Variants in TMEM117 observed in about 807,000 individuals in gnomAD.
TMEM117 encodes transmembrane protein 117.
A neutral mutation model predicts 52.4 loss-of-function variants in TMEM117; 27 were observed. The ratio of observed to expected loss-of-function variants is 0.51; its 90% confidence interval spans 0.38 to 0.71. TMEM117 has a LOEUF of 0.71. Among genes scored for constraint, TMEM117 ranks in the 30% least tolerant of loss-of-function variants. The pLI is 0.00. For missense variants in TMEM117, 556 were observed against 630.5 expected (o/e 0.88, Z 1.26); for synonymous variants, 215 against 206.3 (o/e 1.04, Z -0.36).
chr12:44,035,383 T>TTATTG, intron 3 of TMEM117, among the ~76,000 whole-genome samples: 1 of 152,364 alleles, frequency 6.6e-6, no homozygotes, highest in East Asian at 1.9e-4. Context: ...TATTGAGTGT[T>TTATTG]ACTGTATGCG....
At chr12:43,806,330 C>T in the TMEM117 span, 1 of 1,300,320 alleles carries the variant, frequency 7.7e-7, no homozygotes, top group Non-Finnish European at 9.7e-7. Flanking sequence ...TGCTCCTCCG[C>T]CGGCCCCGGC....
intron 5 of TMEM117, among the ~76,000 whole-genome samples, chr12:44,268,881 A>G (rs985401044): frequency 6.6e-6 from 1 of 152,148 alleles, no homozygotes; most frequent in Non-Finnish European, 1.5e-5. Context: ...TTTCCCTCCC[A>G]GATCACAGTT....
At chr12:44,005,086 G>A (rs1171255067) in intron 3 of TMEM117, among the ~76,000 whole-genome samples, 1 of 152,186 alleles carries the variant, frequency 6.6e-6, no homozygotes, top group Non-Finnish European at 1.5e-5. Context: ...TCATTGTCAG[G>A]CATGCTCACA....
At chr12:44,098,871 C>G (rs563077900) in intron 3 of TMEM117, among the ~76,000 whole-genome samples, 69 of 152,224 alleles carry the variant, frequency 4.5e-4, no homozygotes, top group African/African-American at 1.5e-3. Flanking sequence ...GTACATTTAT[C>G]TTTTCTTGTT....
chr12:44,034,081 T>A (rs1946674943), intron 3 of TMEM117, among the ~76,000 whole-genome samples: 1 of 152,230 alleles, frequency 6.6e-6, no homozygotes, highest in African/African-American at 2.4e-5. Flanking sequence ...TTTATACATT[T>A]CTAAGTCCCT....
chr12:43,866,812 T>C (rs1452919475), intron 2 of TMEM117, among the ~76,000 whole-genome samples: 2 of 152,136 alleles, frequency 1.3e-5, no homozygotes, highest in Non-Finnish European at 2.9e-5. Flanking sequence ...AATGTTTAGG[T>C]TGGCGCGGTG....
intron 4 of TMEM117, among the ~76,000 whole-genome samples, chr12:44,165,704 T>C (rs1948957286): frequency 6.6e-6 from 1 of 152,128 alleles, no homozygotes; most frequent in African/African-American, 2.4e-5. Context: ...CACCTAACAC[T>C]GGAGCATCCA....
At chr12:44,299,820 C>A in intron 6 of TMEM117, 81 bp downstream of exon 6, 1 of 1,506,638 alleles carries the variant, frequency 6.6e-7, no homozygotes. Flanking sequence ...CAACAGGCTC[C>A]ATAAATCTAA....
At chr12:43,801,307 G>C in the TMEM117 span, among the ~76,000 whole-genome samples, 1 of 152,142 alleles carries the variant, frequency 6.6e-6, no homozygotes, top group South Asian at 2.1e-4. Context: ...AGTATCTATG[G>C]AAAGCTACTA....
At chr12:44,198,014 A>G (rs1949443834) in intron 4 of TMEM117, among the ~76,000 whole-genome samples, 2 of 152,184 alleles carry the variant, frequency 1.3e-5, no homozygotes, top group African/African-American at 2.4e-5. Context: ...TCTTGTGGCA[A>G]TTTATTCAAG....
intron 5 of TMEM117, among the ~76,000 whole-genome samples, chr12:44,220,418 A>G (rs1436607844): frequency 6.6e-6 from 1 of 152,196 alleles, no homozygotes; most frequent in East Asian, 1.9e-4. Flanking sequence ...TGTTTAGCTT[A>G]ATACATAGAA....
intron 3 of TMEM117, among the ~76,000 whole-genome samples, chr12:43,962,764 C>T (rs766754313): frequency 1.8e-4 from 28 of 151,968 alleles, no homozygotes; most frequent in South Asian, 1.0e-3. Context: ...ACTAAAAATA[C>T]GAAAACAAAA....
chr12:43,851,434 CCT>C (rs1043635893), intron 2 of TMEM117, among the ~76,000 whole-genome samples: 1 of 151,762 alleles, frequency 6.6e-6, no homozygotes, highest in African/African-American at 2.4e-5. Context: ...TCTTCCAGTA[CCT>C]CTCTCTCTCA....
intron 4 of TMEM117, among the ~76,000 whole-genome samples, chr12:44,206,045 A>G (rs1949561367): frequency 6.6e-6 from 1 of 152,222 alleles, no homozygotes; most frequent in African/African-American, 2.4e-5. Context: ...CCATGAACAA[A>G]GTTTGACCCA....
chr12:44,236,335 T>C (rs900469745), intron 5 of TMEM117, among the ~76,000 whole-genome samples: 1 of 152,108 alleles, frequency 6.6e-6, no homozygotes, highest in African/African-American at 2.4e-5. Flanking sequence ...ATTTTGTCTC[T>C]CCATGCTATG....
chr12:44,270,608 C>G (rs569973481), intron 5 of TMEM117, among the ~76,000 whole-genome samples: 67 of 152,048 alleles, frequency 4.4e-4, no homozygotes, highest in Non-Finnish European at 4.4e-5. Context: ...CCCTTCATTT[C>G]TTTCTCATGT....
At chr12:44,100,155 G>C (rs1034744833) in intron 3 of TMEM117, among the ~76,000 whole-genome samples, 1 of 151,894 alleles carries the variant, frequency 6.6e-6, no homozygotes, top group African/African-American at 2.4e-5. Context: ...ATATTATGTA[G>C]TGTACTGAAA....
intron 3 of TMEM117, among the ~76,000 whole-genome samples, chr12:44,102,996 A>C (rs1481054516): frequency 3.9e-5 from 6 of 151,984 alleles, no homozygotes; most frequent in Non-Finnish European, 5.9e-5. Context: ...CCATGATTGT[A>C]AGTTTCCTGA....
chr12:44,076,692 G>A (rs1042879884), intron 3 of TMEM117, among the ~76,000 whole-genome samples: 4 of 152,154 alleles, frequency 2.6e-5, no homozygotes, highest in African/African-American at 9.7e-5. Flanking sequence ...CAGCAATATG[G>A]TAATTTCTGA....
Sources: allele counts gnomAD v4.1 joint callset (sites outside exome capture counted in the v4.1 genomes callset), GRCh38; gene constraint gnomAD v4.1.1; transcripts MANE v1.5; gene names NCBI Gene and HGNC (gene_info 2026-07-23, HGNC 2026-07-21).